LRRC69: variants seen among roughly 807,000 people sequenced by gnomAD.
LRRC69 encodes leucine-rich repeat-containing protein 69.
In LRRC69, 42 loss-of-function variants were observed where a neutral mutation model predicts 37.8. The observed-to-expected ratio is 1.11, with a 90% CI of 0.87 to 1.44. LRRC69 has a LOEUF of 1.44. LRRC69 is among the 40% of genes most tolerant of loss of function. The pLI, the probability that LRRC69 is intolerant of heterozygous loss-of-function variation, is 0.00. For synonymous variants in LRRC69, 141 were observed against 143.1 expected, an observed-to-expected ratio of 0.99 and a Z score of 0.11; for missense variants, 357 against 401.9, an observed-to-expected ratio of 0.89 and a Z score of 0.96.
chr8:91,120,198 A>C (rs1015337224), intron 1 of LRRC69, among the ~76,000 whole-genome samples: 1 of 152,042 alleles, frequency 6.6e-6, no homozygotes, highest in Non-Finnish European at 1.5e-5. Flanking sequence ...TTTCAAGGTC[A>C]CTAATCACTT....
At position 91,149,390 on chromosome 8, in the gene LRRC69, G is replaced by T. The variant is rs535468944; in HGVS notation, c.651+13651G>T. 2.6e-5 allele frequency among the ~76,000 whole-genome samples: 4 copies of T among 152,054 alleles called. No individual in the cohort carries two copies. In the South Asian group the frequency reaches 8.3e-4, roughly 31 times the overall value. ...TGTCAGGTTTGTCAAAGATCAGGTG[G>T]TTGTACATATGCGGCATTATTTCTG... On this transcript the variant is annotated intron_variant, in intron 5 of 7. Coordinates refer to ENST00000448384, the Ensembl canonical transcript of LRRC69.
At chr8:91,177,245 T>C (rs1440213248) in intron 5 of LRRC69, among the ~76,000 whole-genome samples, 1 of 152,106 alleles carries the variant, frequency 6.6e-6, no homozygotes, top group East Asian at 1.9e-4. Flanking sequence ...AGGAATAGTA[T>C]TAATTCTAAA....
chr8:91,163,654 C>A (rs183495932), intron 5 of LRRC69, among the ~76,000 whole-genome samples: 1 of 151,498 alleles, frequency 6.6e-6, no homozygotes, highest in East Asian at 1.9e-4. Flanking sequence ...CTTCTAAGAC[C>A]ACTTTAAGGT....
chr8:91,198,289 C>T (rs961730297), intron 6 of LRRC69, among the ~76,000 whole-genome samples: 1 of 152,112 alleles, frequency 6.6e-6, no homozygotes, highest in African/African-American at 2.4e-5. Flanking sequence ...AAAAAAATCC[C>T]AACTTTACAG....
At chr8:91,137,946 A>G (rs754496304) in intron 5 of LRRC69, among the ~76,000 whole-genome samples, 40 of 152,174 alleles carry the variant, frequency 2.6e-4, no homozygotes, top group Non-Finnish European at 5.1e-4. Context: ...TGTAGACATG[A>G]ATAACATAGA....
chr8:91,126,077 T>C (rs1047840026), intron 2 of LRRC69, among the ~76,000 whole-genome samples: 3 of 151,946 alleles, frequency 2.0e-5, no homozygotes, highest in African/African-American at 7.2e-5. Context: ...ACCTAAGTTA[T>C]GTTCTATGTC....
intron 7 of LRRC69, among the ~76,000 whole-genome samples, chr8:91,213,441 T>A (rs1809973724): frequency 6.6e-6 from 1 of 152,206 alleles, no homozygotes; most frequent in Admixed American, 6.5e-5. Context: ...AGTACTCATG[T>A]CACTTATCAC....
chr8:91,168,332 G>C (rs749113850), intron 5 of LRRC69, among the ~76,000 whole-genome samples: 13 of 151,672 alleles, frequency 8.6e-5, no homozygotes, highest in Admixed American at 5.3e-4. Context: ...GAACAAATGT[G>C]GCAGGTGCTG....
At chr8:91,195,086 T>C (rs1439688691) in intron 6 of LRRC69, among the ~76,000 whole-genome samples, 1 of 152,250 alleles carries the variant, frequency 6.6e-6, no homozygotes, top group East Asian at 1.9e-4. Flanking sequence ...TATTTCTGCC[T>C]TCATTTTGTT....
intron 6 of LRRC69, among the ~76,000 whole-genome samples, chr8:91,197,382 TC>T (rs779063916): frequency 1.1e-4 from 16 of 152,156 alleles, no homozygotes; most frequent in African/African-American, 2.4e-4. Context: ...AGTTCGAGCT[TC>T]CCCGGCTGCT....
intron 1 of LRRC69, among the ~76,000 whole-genome samples, chr8:91,124,288 G>A (rs1462866617): frequency 6.6e-6 from 1 of 151,910 alleles, no homozygotes; most frequent in Admixed American, 6.6e-5. Context: ...AAATTAAATT[G>A]TGCTTTAATT....
At chr8:91,117,559 C>CT (rs35003763) in intron 1 of LRRC69, among the ~76,000 whole-genome samples, 7,762 of 115,016 alleles carry the variant, frequency 0.067, 311 homozygotes, top group Middle Eastern at 0.17. Context: ...ACAAGATCCA[C>CT]TTTTTTTTTT....
At chr8:91,109,336 C>T (rs562318163) in intron 1 of LRRC69, among the ~76,000 whole-genome samples, 62 of 152,168 alleles carry the variant, frequency 4.1e-4, no homozygotes, top group African/African-American at 1.5e-3. Context: ...TGTAGACCTG[C>T]CTTGACTCAT....
intron 4 of LRRC69, 99 bp from the exon 5 acceptor site, chr8:91,135,569 C>A: frequency 1.4e-6 from 1 of 698,020 alleles, no homozygotes; most frequent in Non-Finnish European, 2.3e-6. Flanking sequence ...GAAAAGATGG[C>A]CACCTTCATC....
At chr8:91,203,883 G>A (rs1809753008) in intron 7 of LRRC69, among the ~76,000 whole-genome samples, 1 of 151,610 alleles carries the variant, frequency 6.6e-6, no homozygotes, top group Admixed American at 6.6e-5. Context: ...ACTTTCGGAG[G>A]CTGAGGCGGG....
At chr8:91,141,028 A>T (rs552029977) in intron 5 of LRRC69, among the ~76,000 whole-genome samples, 1 of 151,822 alleles carries the variant, frequency 6.6e-6, no homozygotes, top group Non-Finnish European at 1.5e-5. Context: ...TGACATTTTT[A>T]TTTATTGCTG....
At chr8:91,213,311 G>GTCTAATCCA (rs1362517446) in intron 7 of LRRC69, among the ~76,000 whole-genome samples, 1 of 152,126 alleles carries the variant, frequency 6.6e-6, no homozygotes, top group African/African-American at 2.4e-5. Context: ...AAGCCAAGAT[G>GTCTAATCCA]CTTTTGAGAG....
At chr8:91,104,215 CTT>C (rs1813268449) in intron 1 of LRRC69, among the ~76,000 whole-genome samples, 1 of 151,944 alleles carries the variant, frequency 6.6e-6, no homozygotes, top group South Asian at 2.1e-4. Context: ...ACTGCAGTCT[CTT>C]TTGACTCCCC....
chr8:91,169,183 T>TATAAG (rs1246725053), intron 5 of LRRC69, among the ~76,000 whole-genome samples: 1 of 151,834 alleles, frequency 6.6e-6, no homozygotes, highest in Non-Finnish European at 1.5e-5. Context: ...TGTTCTTACT[T>TATAAG]ATAAGTAGGA....
Sources: gnomAD v4.1 joint callset for allele counts (sites outside exome capture counted in the v4.1 genomes callset) on GRCh38, gnomAD v4.1.1 for gene constraint, MANE v1.5 for transcripts, NCBI Gene and HGNC (gene_info 2026-07-23, HGNC 2026-07-21) for gene names.